The following CTNND2 variants were observed in gnomAD, a reference collection of about 807,000 sequenced individuals.
CTNND2 encodes the protein catenin delta-2.
A neutral mutation model predicts 144.4 loss-of-function variants in CTNND2; 22 were observed. The observed-to-expected ratio is 0.15, with a 90% CI of 0.11 to 0.22. The LOEUF (loss-of-function observed/expected upper bound fraction) is 0.22. Among genes scored for constraint, CTNND2 ranks in the 10% least tolerant of loss-of-function variants. The pLI is 1.00. For synonymous variants in CTNND2, 751 were observed against 695.6 expected (o/e 1.08, Z -1.25); for missense variants, 1,353 against 1,618.8 (o/e 0.84, Z 2.82).
chr5:11,422,112 G>A (rs953178472), intron 3 of CTNND2, among the ~76,000 whole-genome samples: 1 of 152,166 alleles, frequency 6.6e-6, no homozygotes, highest in Non-Finnish European at 1.5e-5. Context: ...ACTGAAAGAT[G>A]AACGCAGGCC....
At chr5:11,603,866 C>T (rs1276668258) in intron 2 of CTNND2, among the ~76,000 whole-genome samples, 3 of 152,182 alleles carry the variant, frequency 2.0e-5, no homozygotes, top group Non-Finnish European at 4.4e-5. Context: ...ATTTTGGAAA[C>T]ACTCCATATT....
chr5:11,885,544 T>C (rs754598260), intron 1 of CTNND2, among the ~76,000 whole-genome samples: 6 of 152,154 alleles, frequency 3.9e-5, no homozygotes, highest in Non-Finnish European at 7.4e-5. Flanking sequence ...TGCCCACTTA[T>C]ATAAAGCAAA....
chr5:11,243,422 T>C (rs1201040194), intron 9 of CTNND2, among the ~76,000 whole-genome samples: 1 of 152,146 alleles, frequency 6.6e-6, no homozygotes, highest in African/African-American at 2.4e-5. Flanking sequence ...TTAGAAATAA[T>C]ATATGTGAAC....
rs370417650 is a variant in CTNND2 at position 11,058,102 on chromosome 5, C to T, written c.2788+24594G>A. 2.6e-4 allele frequency among the ~76,000 whole-genome samples: 39 copies of T among 152,228 alleles called. 1 individual carries two copies. The South Asian group carries it at 7.0e-3, about 28-fold the overall frequency. On this transcript the variant is annotated intron_variant, in intron 16 of 21. Transcript: ENST00000304623. ...GTTTGGAAAACTTGCAGTCTGACAA[C>T]GTGATAGAAAATAAAATTCTATTTT...
At chr5:11,228,650 T>C (rs1022505935) in intron 10 of CTNND2, among the ~76,000 whole-genome samples, 22 of 151,986 alleles carry the variant, frequency 1.4e-4, no homozygotes, top group Admixed American at 3.9e-4. Flanking sequence ...CATGCCCAGC[T>C]AATTTTTGCA....
In CTNND2 at chr5:11,268,729, A is replaced by AT. The variant is rs780519343; in HGVS notation, c.1629-31907dup. On this transcript the variant is annotated intron_variant, in intron 9 of 21. Coordinates refer to ENST00000304623, the MANE Select transcript of CTNND2 (RefSeq NM_001332.4). ...ACTCATTTATGCCATCACAATCTGCATTTTTTTACCACAACACTAACCATT... is the reference window on the plus strand; with the variant it reads ...ACTCATTTATGCCATCACAATCTGCATTTTTTTTACCACAACACTAACCATT... 2.7e-4 allele frequency among the ~76,000 whole-genome samples: 41 copies of AT among 152,186 alleles called. 1 individual carries two copies. Among genetic ancestry groups the AT allele is most frequent in the Non-Finnish European group, 3.7e-4 (25 of 68,036 alleles).
At chr5:11,114,068 G>A (rs548739062) in intron 13 of CTNND2, among the ~76,000 whole-genome samples, 69 of 151,166 alleles carry the variant, frequency 4.6e-4, no homozygotes, top group Admixed American at 1.5e-3. Context: ...GGACTGGCAC[G>A]AAAGCAGGTA....
intron 1 of CTNND2, among the ~76,000 whole-genome samples, chr5:11,760,368 C>T (rs1158215637): frequency 1.3e-5 from 2 of 152,066 alleles, no homozygotes; most frequent in Non-Finnish European, 2.9e-5. Flanking sequence ...GGGCCTATTA[C>T]CAGGAGCTAG....
chr5:11,658,578 T>A (rs575654415), intron 2 of CTNND2, among the ~76,000 whole-genome samples: 1 of 152,054 alleles, frequency 6.6e-6, no homozygotes, highest in East Asian at 1.9e-4. Context: ...CCGTGGAAAC[T>A]CACTAAACTG....
rs80336186 is a variant in CTNND2, at chr5:11,535,735, C to A, written c.287+29209G>T. On this transcript the variant is annotated intron_variant, in intron 3 of 21. Coordinates refer to ENST00000304623, the MANE Select transcript of CTNND2 (RefSeq NM_001332.4). ...GGGAAAATTATACAATTCGTAAATA[C>A]ATAAAAGGGTTAACTTACAAAGATC... 5.7e-3 allele frequency among the ~76,000 whole-genome samples: 871 copies of A among 152,190 alleles called. 9 individuals are homozygous for A. Among genetic ancestry groups the A allele is most frequent in the African/African-American group, 0.02 (844 of 41,536 alleles).
At chr5:11,402,595 T>C (rs1385637056) in intron 5 of CTNND2, among the ~76,000 whole-genome samples, 1 of 152,236 alleles carries the variant, frequency 6.6e-6, no homozygotes, top group East Asian at 1.9e-4. Flanking sequence ...GATAAAGTGG[T>C]TGTTTTCTCC....
rs568389993 is a variant in CTNND2 at position 11,223,277 on chromosome 5, G to C, written c.1761+13414C>G. On this transcript the variant is annotated intron_variant, in intron 10 of 21. Transcript: ENST00000304623. ...CCATCTTCCTTGAAGGGACCTTTAA[G>C]CATAAAGGAATACAGTCCTTGCTCA... is the stretch of plus-strand genomic sequence containing the variant. Among the ~76,000 whole-genome samples the C allele has an allele frequency of 2.6e-5, 4 of 152,278 alleles. No homozygotes were observed. In the East Asian group the frequency reaches 7.7e-4, roughly 29 times the overall value.
chr5:11,740,410 G>A lies in CTNND2; in HGVS notation c.38-8138C>T, dbSNP rs1163302017. Among the ~76,000 whole-genome samples, 3 of 152,080 alleles carry A rather than the reference G, an allele frequency of 2.0e-5. No homozygotes were observed. The East Asian group carries it at 5.8e-4, about 29-fold the overall frequency. ...ACACATCTACAACCATCTGATCTTT[G>A]ACAAACCTGACAAAAACAAGAAATG... On this transcript the variant is annotated intron_variant, in intron 1 of 21. Coordinates refer to ENST00000304623, the MANE Select transcript of CTNND2 (RefSeq NM_001332.4).
chr5:11,507,898 G>A (rs141515816), intron 3 of CTNND2, among the ~76,000 whole-genome samples: 51 of 152,218 alleles, frequency 3.4e-4, no homozygotes, highest in African/African-American at 9.9e-4. Flanking sequence ...CAAAATACTC[G>A]GTGGGAAACC....
At chr5:11,077,804 G>A (rs1749103079) in intron 16 of CTNND2, among the ~76,000 whole-genome samples, 1 of 152,068 alleles carries the variant, frequency 6.6e-6, no homozygotes, top group African/African-American at 2.4e-5. Context: ...AAGATGAAGA[G>A]AAGTGTTAAA....
intron 6 of CTNND2, among the ~76,000 whole-genome samples, chr5:11,387,476 G>A (rs920449721): frequency 5.3e-5 from 8 of 152,096 alleles, no homozygotes; most frequent in African/African-American, 1.9e-4. Flanking sequence ...AAATGCTGTT[G>A]CTCTGAGAAC....
At position 11,431,643 on chromosome 5, in the gene CTNND2, G is replaced by A. The variant is rs149283945; in HGVS notation, c.288-19574C>T. On this transcript the variant is annotated intron_variant, in intron 3 of 21. Coordinates refer to ENST00000304623, the MANE Select transcript of CTNND2 (RefSeq NM_001332.4). ...GAAGCCCGCGTTAGCCAGGTGGAGAGAGGGGCCACATAGAGAAGCACTGAG... is the reference window on the plus strand; with the variant it reads ...GAAGCCCGCGTTAGCCAGGTGGAGAAAGGGGCCACATAGAGAAGCACTGAG... 9.8e-5 allele frequency among the ~76,000 whole-genome samples: 15 copies of A among 152,288 alleles called. No homozygotes were observed. In the East Asian group the frequency reaches 2.9e-3, roughly 29 times the overall value.
intron 5 of CTNND2, among the ~76,000 whole-genome samples, chr5:11,402,682 G>A (rs1032909264): frequency 7.2e-5 from 11 of 152,194 alleles, no homozygotes; most frequent in Non-Finnish European, 1.5e-4. Context: ...GTGGCTCAGC[G>A]CATCTACCAT....
At chr5:10,993,586 C>A (rs532964262) in intron 18 of CTNND2, among the ~76,000 whole-genome samples, 2 of 152,244 alleles carry the variant, frequency 1.3e-5, no homozygotes, top group East Asian at 3.9e-4. Context: ...GCTTTCAATT[C>A]TTTTAGATTT....
Sources: gnomAD v4.1 joint callset for allele counts (sites outside exome capture counted in the v4.1 genomes callset) on GRCh38, gnomAD v4.1.1 for gene constraint, MANE v1.5 for transcripts, NCBI Gene and HGNC (gene_info 2026-07-23, HGNC 2026-07-21) for gene names.